The following USH2A variants were observed in gnomAD, a reference collection of about 807,000 sequenced individuals.
The protein encoded by USH2A is usherin, also known as Usher syndrome 2A (autosomal recessive, mild).
Under a neutral mutation model 538.9 loss-of-function variants are expected in USH2A, and 443 were observed. That is an observed-to-expected ratio of 0.82 (90% CI 0.76 to 0.89). USH2A has a LOEUF of 0.89. USH2A is among the 40% of genes least tolerant of loss of function. The pLI, the probability that USH2A is intolerant of heterozygous loss-of-function variation, is 0.00. For synonymous variants in USH2A, 2,413 were observed against 2,273.5 expected (o/e 1.06, Z -1.75); for missense variants, 6,633 against 6,324.8 (o/e 1.05, Z -1.65).
At chr1:216,257,843 C>G (rs2036287975) in intron 11 of USH2A, among the ~76,000 whole-genome samples, 1 of 151,928 alleles carries the variant, frequency 6.6e-6, no homozygotes, top group African/African-American at 2.4e-5. Flanking sequence ...AATGTATAAT[C>G]AATTATATCC....
intron 4 of USH2A, among the ~76,000 whole-genome samples, chr1:216,340,099 G>A (rs1474208102): frequency 6.6e-6 from 1 of 151,556 alleles, no homozygotes; most frequent in Non-Finnish European, 1.5e-5. Context: ...CTGCTAGCTA[G>A]ACTAATAAAG....
chr1:215,812,054 G>A (rs185711635), intron 49 of USH2A, among the ~76,000 whole-genome samples: 21 of 122,862 alleles, frequency 1.7e-4, no homozygotes, highest in Middle Eastern at 7.5e-3. Flanking sequence ...GCACCATCTC[G>A]GCTCACCGCA....
chr1:216,306,902 C>T (rs1301912353), intron 9 of USH2A, among the ~76,000 whole-genome samples: 1 of 152,158 alleles, frequency 6.6e-6, no homozygotes, highest in African/African-American at 2.4e-5. Context: ...GTCTCTTAGC[C>T]CTGGATACCA....
chr1:215,713,218 C>T (rs1357532587), intron 61 of USH2A, among the ~76,000 whole-genome samples: 7 of 152,164 alleles, frequency 4.6e-5, no homozygotes, highest in African/African-American at 1.4e-4. Flanking sequence ...TCTCTGAAAA[C>T]CTATTTTGAA....
At position 216,085,505 on chromosome 1, in the gene USH2A, C is replaced by T. The variant is rs190028105; in HGVS notation, c.4988-628G>A. 4.6e-5 allele frequency among the ~76,000 whole-genome samples: 7 copies of T among 152,164 alleles called. No individual in the cohort carries two copies. In the East Asian group the frequency reaches 9.7e-4, roughly 21 times the overall value. On this transcript the variant is annotated intron_variant, in intron 24 of 71. Coordinates refer to ENST00000307340, the MANE Select transcript of USH2A (RefSeq NM_206933.4). ...GAAGGTGCACTGAGGTCGAATTTCA[C>T]ACAGCCACCTCCTTTCCTATGGGGG... is the stretch of plus-strand genomic sequence containing the variant.
chr1:216,418,711 T>C, intron 2 of USH2A, 32 bp from the exon 3 acceptor site: 1 of 1,611,622 alleles, frequency 6.2e-7, no homozygotes, highest in Non-Finnish European at 8.5e-7. Flanking sequence ...AGAGAAAAGG[T>C]CAGCATCCAA....
At chr1:215,875,926 G>C (rs1571770918) in intron 43 of USH2A, among the ~76,000 whole-genome samples, 1 of 116,508 alleles carries the variant, frequency 8.6e-6, no homozygotes, top group Non-Finnish European at 1.8e-5. Context: ...AATATATATT[G>C]ATTATTATAT....
intron 38 of USH2A, among the ~76,000 whole-genome samples, chr1:215,918,437 T>A (rs1666014963): frequency 6.6e-6 from 1 of 152,048 alleles, no homozygotes; most frequent in Non-Finnish European, 1.5e-5. Context: ...TTCTGCCATG[T>A]GAAGTTAGAG....
intron 44 of USH2A, among the ~76,000 whole-genome samples, chr1:215,853,764 G>A (rs2102829788): frequency 1.3e-5 from 2 of 152,194 alleles, no homozygotes; most frequent in South Asian, 4.2e-4. Context: ...CAGTCTCTTT[G>A]CTAAAACATA....
At chr1:215,973,296 T>C (rs920246473) in intron 35 of USH2A, among the ~76,000 whole-genome samples, 2 of 152,194 alleles carry the variant, frequency 1.3e-5, no homozygotes, top group Admixed American at 6.6e-5. Flanking sequence ...AGATATTTTA[T>C]AGAAGTTAAT....
chr1:216,394,072 G>A lies in USH2A; in HGVS notation c.651+24442C>T, dbSNP rs918127699. 5.3e-5 allele frequency among the ~76,000 whole-genome samples: 8 copies of A among 152,102 alleles called. No individual in the cohort carries two copies. In the South Asian group the frequency reaches 6.2e-4, roughly 12 times the overall value. ...AGATCCTCAATCATCATCAGTCACC[G>A]GGGAAAATCATCAATCATTAGAGAA... On this transcript the variant is annotated intron_variant, in intron 3 of 71. Coordinates refer to ENST00000307340, the MANE Select transcript of USH2A (RefSeq NM_206933.4).
intron 32 of USH2A, among the ~76,000 whole-genome samples, chr1:216,030,356 G>A (rs1379648342): frequency 7.6e-6 from 1 of 131,988 alleles, no homozygotes; most frequent in South Asian, 2.4e-4. Flanking sequence ...ATACATCACA[G>A]ATATATAATA....
chr1:215,960,006 C>G (rs941737719), intron 37 of USH2A, among the ~76,000 whole-genome samples: 15 of 152,228 alleles, frequency 9.9e-5, no homozygotes, highest in African/African-American at 3.6e-4. Context: ...TAAGACATGG[C>G]ATTGTCTACT....
chr1:215,691,643 A>AT (rs753268740), intron 61 of USH2A, among the ~76,000 whole-genome samples: 92 of 152,108 alleles, frequency 6.0e-4, no homozygotes, highest in Non-Finnish European at 1.0e-3. Flanking sequence ...AACATACCAT[A>AT]TTTTTTTATG....
intron 9 of USH2A, among the ~76,000 whole-genome samples, chr1:216,302,454 C>T (rs984011835): frequency 6.6e-6 from 1 of 152,046 alleles, no homozygotes. Flanking sequence ...GACAGAAATG[C>T]CACGTGTTTA....
intron 32 of USH2A, among the ~76,000 whole-genome samples, chr1:216,011,497 A>G (rs890150346): frequency 2.4e-4 from 37 of 152,106 alleles, no homozygotes; most frequent in African/African-American, 8.9e-4. Flanking sequence ...CCAAACCTCA[A>G]TCCCTTACAA....
chr1:216,140,199 A>G (rs72746349), intron 21 of USH2A, among the ~76,000 whole-genome samples: 17,151 of 152,234 alleles, frequency 0.11, 1,294 homozygotes, highest in Non-Finnish European at 0.17. Flanking sequence ...AATAATTAAC[A>G]CGGATTGCTG....
intron 61 of USH2A, among the ~76,000 whole-genome samples, chr1:215,725,999 G>A (rs1230959667): frequency 1.1e-4 from 16 of 152,290 alleles, no homozygotes; most frequent in East Asian, 5.8e-4. Context: ...GAACTGTTTC[G>A]TGAGACTAAA....
At chr1:216,370,677 CAAAAAA>C (rs58845914) in intron 3 of USH2A, among the ~76,000 whole-genome samples, 11 of 30,000 alleles carry the variant, frequency 3.7e-4, no homozygotes, top group South Asian at 3.3e-3. Context: ...GACTCTGTCT[CAAAAAA>C]AAAAAAAAAA....
Sources: gnomAD v4.1 joint callset for allele counts (sites outside exome capture counted in the v4.1 genomes callset) on GRCh38, gnomAD v4.1.1 for gene constraint, MANE v1.5 for transcripts, NCBI Gene and HGNC (gene_info 2026-07-23, HGNC 2026-07-21) for gene names.